The following NCOA1 variants were observed in gnomAD, a reference collection of about 807,000 sequenced individuals.
NCOA1 encodes the protein nuclear receptor coactivator 1, also known as Hin-2 protein.
Under a neutral mutation model 150.9 loss-of-function variants are expected in NCOA1, and 35 were observed. The observed-to-expected ratio is 0.23, with a 90% CI of 0.18 to 0.31. The LOEUF is 0.31. Ranked by LOEUF, NCOA1 falls within the 10% of genes least tolerant of loss-of-function variation. The probability of loss-of-function intolerance (pLI) is 1.00; values close to 1 mark genes in which losing one functional copy is unlikely to be tolerated. For missense variants in NCOA1, 1,491 were observed against 1,749.3 expected (o/e 0.85, Z 2.63); for synonymous variants, 590 against 630.0 (o/e 0.94, Z 0.95).
chr2:24,590,686 T>G (rs1667617892), intron 3 of NCOA1, among the ~76,000 whole-genome samples: 1 of 152,236 alleles, frequency 6.6e-6, no homozygotes, highest in South Asian at 2.1e-4. Flanking sequence ...ATTTGTCTTT[T>G]GTAGAATTCC....
intron 19 of NCOA1, among the ~76,000 whole-genome samples, chr2:24,748,377 C>T (rs1225170837): frequency 6.6e-6 from 1 of 151,902 alleles, no homozygotes; most frequent in African/African-American, 2.4e-5. Flanking sequence ...TTTGGGAGGC[C>T]GAGGCAGGCG....
intron 17 of NCOA1, among the ~76,000 whole-genome samples, chr2:24,736,978 G>T (rs1254081595): frequency 2.6e-5 from 4 of 152,180 alleles, no homozygotes; most frequent in African/African-American, 9.7e-5. Flanking sequence ...GTGACAGCCA[G>T]CCTGAACTGT....
chr2:24,683,136 G>A lies in NCOA1; in HGVS notation c.532+8G>A, dbSNP rs1248210208. The A allele has an allele frequency of 1.3e-6, 2 of 1,539,362 alleles. No homozygotes were observed. The highest frequency in any genetic ancestry group is 4.8e-5 in the East Asian group (2 of 41,548). ...TGCTACCAAAATCACTAGGTAAACA[G>A]AAATGTGTTTTTAAAAAGAATACTA... On this transcript the variant is annotated splice_region_variant and intron_variant, in intron 8 of 22. Transcript: ENST00000348332.
chr2:24,760,683 T>C (rs1221394690), intron 21 of NCOA1, among the ~76,000 whole-genome samples: 3 of 152,208 alleles, frequency 2.0e-5, no homozygotes, highest in Non-Finnish European at 2.9e-5. Context: ...CCCCTCTGGC[T>C]GATTTTGATT....
chr2:24,616,615 GT>G (rs1162131905), intron 3 of NCOA1, among the ~76,000 whole-genome samples: 1 of 152,186 alleles, frequency 6.6e-6, no homozygotes, highest in Non-Finnish European at 1.5e-5. Context: ...AGTTCTGCAT[GT>G]TTTGGTAACC....
intron 9 of NCOA1, among the ~76,000 whole-genome samples, chr2:24,692,636 T>C (rs1176014782): frequency 5.9e-5 from 9 of 152,236 alleles, no homozygotes; most frequent in Non-Finnish European, 1.3e-4. Flanking sequence ...GTGCCACTTA[T>C]ATCTAACCAA....
chr2:24,613,136 G>T (rs1483226887), intron 3 of NCOA1, among the ~76,000 whole-genome samples: 1 of 151,772 alleles, frequency 6.6e-6, no homozygotes, highest in Admixed American at 6.6e-5. Context: ...TATGATTGTA[G>T]AGAATGCTGG....
intron 4 of NCOA1, among the ~76,000 whole-genome samples, chr2:24,649,461 T>C (rs1053947593): frequency 6.6e-6 from 1 of 152,244 alleles, no homozygotes; most frequent in Non-Finnish European, 1.5e-5. Context: ...GGAAGACATG[T>C]GCAGTATACC....
At chr2:24,762,308 C>A (rs189303298) in intron 21 of NCOA1, among the ~76,000 whole-genome samples, 5 of 152,322 alleles carry the variant, frequency 3.3e-5, no homozygotes, top group Admixed American at 2.6e-4. Context: ...GTTACTAAAT[C>A]TTGACCAAAG....
At chr2:24,623,150 G>T (rs1669250852) in intron 3 of NCOA1, among the ~76,000 whole-genome samples, 1 of 152,210 alleles carries the variant, frequency 6.6e-6, no homozygotes, top group Admixed American at 6.5e-5. Context: ...TGACTAATTT[G>T]CTAGGAAGTT....
chr2:24,708,273 G>A (rs2148597687), intron 13 of NCOA1, among the ~76,000 whole-genome samples: 1 of 152,316 alleles, frequency 6.6e-6, no homozygotes, highest in East Asian at 1.9e-4. Context: ...TGAAGTGGGA[G>A]AGAAATGTAA....
At chr2:24,649,798 A>AGTTT in intron 4 of NCOA1, among the ~76,000 whole-genome samples, 1 of 152,216 alleles carries the variant, frequency 6.6e-6, no homozygotes, top group East Asian at 1.9e-4. Context: ...AAATTAATGC[A>AGTTT]AAGAAAAAAA....
intron 1 of NCOA1, among the ~76,000 whole-genome samples, chr2:24,562,883 A>C (rs1666343772): frequency 6.6e-6 from 1 of 152,184 alleles, no homozygotes; most frequent in Admixed American, 6.5e-5. Flanking sequence ...AGGTTAGAAA[A>C]AATAGAGTGA....
chr2:24,507,075 A>G (rs955814187), intron 1 of NCOA1, among the ~76,000 whole-genome samples: 19 of 152,218 alleles, frequency 1.2e-4, no homozygotes, highest in Admixed American at 5.2e-4. Flanking sequence ...TACTGTTACT[A>G]TTAGCGGCTC....
chr2:24,695,179 C>G (rs1198523256), intron 10 of NCOA1, among the ~76,000 whole-genome samples: 2 of 151,874 alleles, frequency 1.3e-5, no homozygotes, highest in East Asian at 3.9e-4. Flanking sequence ...TCTAAGAACC[C>G]AGCTGTTAAA....
Position 24,695,869 on chromosome 2 carries a change from T to A in NCOA1, c.809-1789T>A, listed in dbSNP as rs183014465. ...CTGCCAGTCCCCAAACTCTAAACTCTCATGCTCTCTGGTGGGGCCAACCCT... is the reference window on the plus strand; with the variant it reads ...CTGCCAGTCCCCAAACTCTAAACTCACATGCTCTCTGGTGGGGCCAACCCT... On this transcript the variant is annotated intron_variant, in intron 10 of 22. Transcript: ENST00000348332. 2.0e-5 allele frequency among the ~76,000 whole-genome samples: 3 copies of A among 152,300 alleles called. No individual in the cohort carries two copies. The East Asian group carries it at 5.8e-4, about 29-fold the overall frequency.
At position 24,493,924 on chromosome 2, in the gene NCOA1, T is replaced by A. The variant is rs150905513; in HGVS notation, c.-396+2322T>A. ...TGTTGAATTTCCTGTTTTCTGCTTATGTGTTAATCTTTTGGTGGGCAGAAG... is the reference window on the plus strand; with the variant it reads ...TGTTGAATTTCCTGTTTTCTGCTTAAGTGTTAATCTTTTGGTGGGCAGAAG... On this transcript the variant is annotated intron_variant, in intron 1 of 22. Coordinates refer to ENST00000348332, the MANE Select transcript of NCOA1 (RefSeq NM_003743.5). Among the ~76,000 whole-genome samples, 315 of 152,342 alleles carry A rather than the reference T, an allele frequency of 2.1e-3. 3 individuals carry two copies. The highest frequency in any genetic ancestry group is 0.017 in the Middle Eastern group (5 of 294).
chr2:24,529,302 G>A (rs74660091), intron 1 of NCOA1, among the ~76,000 whole-genome samples: 3,195 of 152,258 alleles, frequency 0.021, 129 homozygotes, highest in East Asian at 0.17. Flanking sequence ...TTGATACTGC[G>A]TCATTAATCA....
chr2:24,617,186 T>C (rs1187285531), intron 3 of NCOA1, among the ~76,000 whole-genome samples: 1 of 152,170 alleles, frequency 6.6e-6, no homozygotes, highest in African/African-American at 2.4e-5. Flanking sequence ...TGTTGGGGTA[T>C]GTTGAATTTC....
Sources: allele counts gnomAD v4.1 joint callset (sites outside exome capture counted in the v4.1 genomes callset), GRCh38; gene constraint gnomAD v4.1.1; transcripts MANE v1.5; gene names NCBI Gene and HGNC (gene_info 2026-07-23, HGNC 2026-07-21).